The following CERS4 variants were observed in gnomAD, a reference collection of about 807,000 sequenced individuals.
CERS4 encodes ceramide synthase 4.
Under a neutral mutation model 51.8 loss-of-function variants are expected in CERS4, and 65 were observed. The observed-to-expected ratio is 1.26, with a 90% CI of 1.03 to 1.54. The LOEUF (loss-of-function observed/expected upper bound fraction) is 1.54. Ranked by LOEUF, CERS4 falls within the 40% of genes most tolerant of loss-of-function variation. The probability of loss-of-function intolerance (pLI) is 0.00; values close to 1 mark genes in which losing one functional copy is unlikely to be tolerated. For synonymous variants in CERS4, 228 were observed against 208.4 expected, an observed-to-expected ratio of 1.09 and a Z score of -0.81; for missense variants, 563 against 500.4, an observed-to-expected ratio of 1.13 and a Z score of -1.19.
intron 2 of CERS4, chr19:8,241,431 C>T (rs1216152761): frequency 6.6e-6 from 1 of 152,278 alleles, no homozygotes; most frequent in East Asian, 1.9e-4. Flanking sequence ...CCTCTCACCT[C>T]AGCCTCCTGA....
intron 2 of CERS4, among the ~76,000 whole-genome samples, chr19:8,249,783 G>T (rs189430800): frequency 6.6e-6 from 1 of 151,628 alleles, no homozygotes; most frequent in Non-Finnish European, 1.5e-5. Flanking sequence ...TAGAGACAGG[G>T]TTTCACCATG....
Position 8,256,724 on chromosome 19 carries a change from A to C in CERS4, c.612+14A>C. 1 of 1,608,900 alleles carries C rather than the reference A, an allele frequency of 6.2e-7. No homozygotes were observed. The highest frequency in any genetic ancestry group is 1.1e-5 in the South Asian group (1 of 90,242). On this transcript the variant is annotated intron_variant, in intron 8 of 11. Transcript: ENST00000251363. ...GTCAAGCGCAAGGTGAGGCCAAATA[A>C]GAGTCTGGAAGACCCAGTCTCTGGC...
chr19:8,245,122 A>AAAAAACAAAAAAAAAC (rs1968713228), intron 2 of CERS4, among the ~76,000 whole-genome samples: 1 of 129,258 alleles, frequency 7.7e-6, no homozygotes, highest in South Asian at 2.4e-4. Flanking sequence ...AAAAAAAAAA[A>AAAAAACAAAAAAAAAC]AAAAAAAAAA....
rs1477716069 is a variant in CERS4, at chr19:8,255,691, C to T, written c.376C>T (p.Arg126Ter). 3.1e-6 allele frequency: 5 copies of T among 1,612,982 alleles called. No individual in the cohort carries two copies. The highest frequency in any genetic ancestry group is 2.2e-5 in the East Asian group (1 of 44,816). The part of the protein sequence containing the change: ...RWFRRRRNQD[R>*]PQLTKKFCEA... ...GTTCCGGAGACGCCGGAACCAGGAT[C>T]GACCCCAGCTGACCAAGAAGTTCTG... The change falls in exon 5 of 12, where the codon CGA becomes TGA. Residue 126 changes from arginine to a stop codon, truncating the protein, a stop_gained. Transcript: ENST00000251363. LOFTEE classifies it high-confidence loss of function.
intron 4 of CERS4, among the ~76,000 whole-genome samples, chr19:8,255,241 G>C (rs990349792): frequency 3.9e-5 from 6 of 152,144 alleles, no homozygotes; most frequent in African/African-American, 1.4e-4. Flanking sequence ...CCCTCTTCAG[G>C]TAGGGCTTGG....
chr19:8,253,933 G>A (rs1404036715), intron 3 of CERS4, among the ~76,000 whole-genome samples: 1 of 152,076 alleles, frequency 6.6e-6, no homozygotes, highest in Non-Finnish European at 1.5e-5. Flanking sequence ...CAGGGCCCCA[G>A]GGGATGAGGC....
chr19:8,242,679 C>T (rs1968587705), intron 2 of CERS4, among the ~76,000 whole-genome samples: 1 of 152,144 alleles, frequency 6.6e-6, no homozygotes, highest in Admixed American at 6.6e-5. Flanking sequence ...AGAGATGTTG[C>T]TTGTTTTCCC....
rs1463472299 is a variant in CERS4, at chr19:8,220,141, C to T, written c.-2+9279C>T. Among the ~76,000 whole-genome samples, 3 of 151,976 alleles carry T rather than the reference C, an allele frequency of 2.0e-5. No homozygotes were observed. The East Asian group carries it at 5.8e-4, about 29-fold the overall frequency. On this transcript the variant is annotated intron_variant, in intron 2 of 11. Coordinates refer to ENST00000251363, the MANE Select transcript of CERS4 (RefSeq NM_024552.3). ...CACCGGCTCTCCTCGCCCCCTCCCA[C>T]CCCTCGGCTGTGTGTCCCCTTATTC...
intron 6 of CERS4, 23 bp from the exon 7 acceptor site, chr19:8,256,213 G>C (rs754810324): frequency 1.2e-6 from 2 of 1,606,452 alleles, no homozygotes; most frequent in Admixed American, 3.4e-5. Context: ...CCTCTGCACA[G>C]CCTGACACCC....
rs1555777239 is a variant in CERS4 at position 8,245,122 on chromosome 19, A to AAAAACAAAAAAAAACAAAAAAAAAAC, written c.-1-5950_-1-5949insCAAAAAAAAACAAAAAAAAAACAAAA. Among the ~76,000 whole-genome samples, 560 of 129,254 alleles carry AAAAACAAAAAAAAACAAAAAAAAAAC rather than the reference A, an allele frequency of 4.3e-3. 7 individuals are homozygous for AAAAACAAAAAAAAACAAAAAAAAAAC. Among genetic ancestry groups the AAAAACAAAAAAAAACAAAAAAAAAAC allele is most frequent in the Non-Finnish European group, 7.2e-3 (460 of 63,668 alleles). The allele number at this position is 129,254 out of a possible 152,430, so 84.8% of individuals were successfully genotyped here. On this transcript the variant is annotated intron_variant, in intron 2 of 11. Coordinates refer to ENST00000251363, the MANE Select transcript of CERS4 (RefSeq NM_024552.3). Reference sequence around the variant, plus strand: ...GCGAGACTCCATCTCAAAAAAAAAAAAAAAAAAAAAAAACACTCTTGGCTT... The same window carrying AAAAACAAAAAAAAACAAAAAAAAAAC: ...GCGAGACTCCATCTCAAAAAAAAAAAAAAACAAAAAAAAACAAAAAAAAAACAAAAAAAAAAAAACACTCTTGGCTT...
At chr19:8,229,730 A>G (rs1967934556) in intron 2 of CERS4, among the ~76,000 whole-genome samples, 1 of 151,296 alleles carries the variant, frequency 6.6e-6, no homozygotes, top group African/African-American at 2.4e-5. Context: ...TTTTTGAGAA[A>G]GGGTCTCACT....
In CERS4 at chr19:8,252,064, TA is replaced by T. The variant is rs35675044; in HGVS notation, c.173+828del. ...CAACATGGTGAAACCTCATCTCTAT[TA>T]AAAAAAAAAAAATACAAAAATTAGG... On this transcript the variant is annotated intron_variant, in intron 3 of 11. Transcript: ENST00000251363. 1.7e-3 allele frequency among the ~76,000 whole-genome samples: 247 copies of T among 148,648 alleles called. 1 individual carries two copies. Among genetic ancestry groups the T allele is most frequent in the Middle Eastern group, 0.01 (3 of 292 alleles).
At chr19:8,247,553 A>G (rs1248524465) in intron 2 of CERS4, among the ~76,000 whole-genome samples, 2 of 152,144 alleles carry the variant, frequency 1.3e-5, no homozygotes, top group Non-Finnish European at 2.9e-5. Context: ...CTGAATAGCT[A>G]GAACTACAGA....
chr19:8,248,731 C>T (rs964962185), intron 2 of CERS4, among the ~76,000 whole-genome samples: 7 of 140,256 alleles, frequency 5.0e-5, no homozygotes, highest in African/African-American at 1.6e-4. Context: ...GACAGATGGA[C>T]GATAGGTGGA....
At chr19:8,259,443 C>T (rs557359791) in intron 10 of CERS4, among the ~76,000 whole-genome samples, 2 of 152,092 alleles carry the variant, frequency 1.3e-5, no homozygotes, top group South Asian at 4.2e-4. Flanking sequence ...GGGCTGTGGG[C>T]AGGACTTTGG....
chr19:8,249,148 TTGGATGGG>T (rs1295820793), intron 2 of CERS4, among the ~76,000 whole-genome samples: 4 of 137,920 alleles, frequency 2.9e-5, no homozygotes, highest in Non-Finnish European at 3.1e-5. Context: ...GGACAGATGT[TTGGATGGG>T]TGGATGGATG....
rs1453215072 is a variant in CERS4 at position 8,260,598 on chromosome 19, CTTTTTG to C, written c.849-1084_849-1079del. Among the ~76,000 whole-genome samples, 21 of 151,352 alleles carry C rather than the reference CTTTTTG, an allele frequency of 1.4e-4. No individual in the cohort carries two copies. In the South Asian group the frequency reaches 1.5e-3, roughly 11 times the overall value. ...CCAGAGGGGCAGAGTAAAGAGTGAG[CTTTTTG>C]TTTTTTTCTTTCTTGTGTGAAATAA... On this transcript the variant is annotated intron_variant, in intron 10 of 11. Coordinates refer to ENST00000251363, the MANE Select transcript of CERS4 (RefSeq NM_024552.3).
chr19:8,239,151 C>A (rs1968406352), intron 2 of CERS4, among the ~76,000 whole-genome samples: 1 of 151,786 alleles, frequency 6.6e-6, no homozygotes, highest in African/African-American at 2.4e-5. Flanking sequence ...CCTGTAATCC[C>A]AGCACTTTGG....
At position 8,257,838 on chromosome 19, in the gene CERS4, G is replaced by A. The variant is rs57237814; in HGVS notation, c.742-41G>A. 4.1e-4 allele frequency: 625 copies of A among 1,510,954 alleles called. 5 individuals are homozygous for A. The African/African-American group carries it at 7.6e-3, about 18-fold the overall frequency. 93.6% of individuals were successfully genotyped at this position (1,510,954 alleles called of 1,614,324 possible). A position where few individuals can be genotyped will look rare whatever the true frequency, so the allele number is the denominator to read the frequency against. On this transcript the variant is annotated intron_variant, in intron 9 of 11. Transcript: ENST00000251363. ...ATAGCACCTTCTCTTTGAGACCAGG[G>A]CCCTGGTCCTGAGCCCATTTCTCCC...
Sources: allele counts gnomAD v4.1 joint callset (sites outside exome capture counted in the v4.1 genomes callset), GRCh38; gene constraint gnomAD v4.1.1; transcripts MANE v1.5; gene names NCBI Gene and HGNC (gene_info 2026-07-23, HGNC 2026-07-21).